Variants in SIGLEC1 observed in about 807,000 individuals in gnomAD.
SIGLEC1 encodes the protein sialoadhesin.
Under a neutral mutation model 148.0 loss-of-function variants are expected in SIGLEC1, and 132 were observed. The ratio of observed to expected loss-of-function variants is 0.89; its 90% CI spans 0.77 to 1.03. SIGLEC1 has a LOEUF of 1.03. SIGLEC1 is among the 50% of genes least tolerant of loss of function. The pLI is 0.00. For synonymous variants in SIGLEC1, 945 were observed against 969.0 expected (o/e 0.98, Z 0.46); for missense variants, 2,253 against 2,271.4 (o/e 0.99, Z 0.16).
At chr20:3,690,939 T>C (rs905057852) in intron 18 of SIGLEC1, among the ~76,000 whole-genome samples, 1 of 150,980 alleles carries the variant, frequency 6.6e-6, no homozygotes, top group Admixed American at 6.6e-5. Flanking sequence ...CAAGTGAGTC[T>C]CCTGCCTCAG....
At chr20:3,689,755 T>C (rs2088737026) in intron 19 of SIGLEC1, 53 bp from the exon 20 acceptor site, 6 of 1,485,096 alleles carry the variant, frequency 4.0e-6, no homozygotes, top group Non-Finnish European at 5.5e-6. Context: ...CCCCAGTGCT[T>C]CCTTCCAAGG....
chr20:3,688,106 A>AGGGAGGAGATCCAGAG lies in SIGLEC1; in HGVS notation c.*453_*454insCTCTGGATCTCCTCCC. The stretch of plus-strand genomic sequence containing the variant: ...CAGACTAGCGTGGGAGAGAAAAATA[A>AGGGAGGAGATCCAGAG]AATTCTATCATGTTGAAGTCACTGT... On this transcript the variant is annotated 3_prime_UTR_variant, in exon 22 of 22. Coordinates refer to ENST00000344754, the MANE Select transcript of SIGLEC1 (RefSeq NM_023068.4). 5 of 189,946 alleles carry AGGGAGGAGATCCAGAG rather than the reference A, an allele frequency of 2.6e-5. No homozygotes were observed. The South Asian group carries it at 4.6e-4, about 18-fold the overall frequency. 11.8% of individuals were successfully genotyped at this position (189,946 alleles called of 1,614,324 possible). A position where few individuals can be genotyped will look rare whatever the true frequency, so the allele number is the denominator to read the frequency against.
chr20:3,706,133 A>T, intron 3 of SIGLEC1, 93 bp from the exon 4 acceptor site: 1 of 1,410,648 alleles, frequency 7.1e-7, no homozygotes, highest in Non-Finnish European at 9.6e-7. Context: ...AGCCCTGGGG[A>T]GGGGGCTTTT....
intron 1 of SIGLEC1, among the ~76,000 whole-genome samples, 87 bp downstream of exon 1, chr20:3,712,383 C>T (rs1006987199): frequency 4.8e-5 from 7 of 144,820 alleles, no homozygotes; most frequent in Non-Finnish European, 9.2e-5. Context: ...CCGACCCCTG[C>T]CCCTATCCCG....
chr20:3,691,285 A>C, intron 18 of SIGLEC1, 55 bp downstream of exon 18: 1 of 1,597,472 alleles, frequency 6.3e-7, no homozygotes, highest in Non-Finnish European at 8.6e-7. Flanking sequence ...GGAAGAACTG[A>C]GGTGGGCGTG....
intron 5 of SIGLEC1, 68 bp downstream of exon 5, chr20:3,703,757 C>T (rs893306486): frequency 8.7e-5 from 138 of 1,589,860 alleles, no homozygotes; most frequent in Non-Finnish European, 1.1e-4. Context: ...GCCCTGTCTC[C>T]CCTCCGTCCC....
intron 13 of SIGLEC1, 47 bp downstream of exon 13, chr20:3,694,174 G>GACACCAC: frequency 8.6e-7 from 1 of 1,164,454 alleles, no homozygotes. Flanking sequence ...TCTTTTAAAG[G>GACACCAC]ACACACACAC....
At chr20:3,688,646 A>G in intron 21 of SIGLEC1, 27 bp from the exon 22 acceptor site, 1 of 1,562,502 alleles carries the variant, frequency 6.4e-7, no homozygotes, top group South Asian at 1.2e-5. Flanking sequence ...CCCTGGTCAC[A>G]GGAGGCCTCT....
intron 11 of SIGLEC1, among the ~76,000 whole-genome samples, chr20:3,696,129 TACACACAC>T (rs914096430): frequency 2.1e-5 from 3 of 142,516 alleles, no homozygotes; most frequent in East Asian, 2.0e-4. Context: ...ACTATATATA[TACACACAC>T]ACAAACACAC....
rs1299013658 is a variant in SIGLEC1 at position 3,692,001 on chromosome 20, A to C, written c.4232T>G (p.Leu1411Arg). The C allele has an allele frequency of 6.2e-7, 1 of 1,613,432 alleles. No homozygotes were observed. Among genetic ancestry groups the C allele is most frequent in the South Asian group, 1.1e-5 (1 of 91,052 alleles). The change falls in exon 17 of 22, where the codon CTG becomes CGG. Residue 1411 changes from leucine (L) to arginine (R), a missense_variant. Coordinates refer to ENST00000344754, the MANE Select transcript of SIGLEC1 (RefSeq NM_023068.4). ...HVQVARNALR[L>R]QVQDVPAGDD... ...ACCTGCAGGCACATCTTGCACCTGC[A>C]GCCGTAGGGCGTTTCGGGCCACCTG... is the stretch of plus-strand genomic sequence containing the variant.
chr20:3,710,995 A>G lies in SIGLEC1; in HGVS notation c.-110+1475T>C, dbSNP rs2087924981. Among the ~76,000 whole-genome samples the G allele has an allele frequency of 6.6e-6, 1 of 152,172 alleles. No homozygotes were observed. The highest frequency in any genetic ancestry group is 2.4e-5 in the African/African-American group (1 of 41,444). On this transcript the variant is annotated intron_variant, in intron 1 of 21. Coordinates refer to ENST00000344754, the MANE Select transcript of SIGLEC1 (RefSeq NM_023068.4). This position sits in a 1 kb window ranked among gnomAD's most constrained non-coding sequence, Gnocchi z 4.6. ...TCTCTGTCCCTGTTTGAAAGCCTGG[A>G]GTTGAGGGGACAGTGCCCCGCCCCC...
chr20:3,697,498 T>C (rs1391047581), intron 9 of SIGLEC1, among the ~76,000 whole-genome samples, 156 bp from the exon 10 acceptor site: 1 of 151,958 alleles, frequency 6.6e-6, no homozygotes, highest in African/African-American at 2.4e-5. Flanking sequence ...CTAGGAGAAG[T>C]GGGCCCTGGG....
Position 3,687,934 on chromosome 20 carries a change from T to C in SIGLEC1, c.*626A>G, listed in dbSNP as rs1270430713. 6.4e-6 allele frequency: 1 copy of C among 157,374 alleles called. No individual in the cohort carries two copies. The highest frequency in any genetic ancestry group is 2.4e-5 in the African/African-American group (1 of 41,474). 9.7% of individuals were successfully genotyped at this position (157,374 alleles called of 1,614,324 possible). ...TCCACCATGGGCATGGGTGTGCTTC[T>C]ACCTCCACTCTTCCTTCTTCTGGCT... On this transcript the variant is annotated 3_prime_UTR_variant, in exon 22 of 22. Coordinates refer to ENST00000344754, the MANE Select transcript of SIGLEC1 (RefSeq NM_023068.4).
Position 3,701,560 on chromosome 20 carries a change from C to T in SIGLEC1, c.1310G>A (p.Ser437Asn), listed in dbSNP as rs1434147467. The change falls in exon 7 of 22, where the codon AGT becomes AAT. Residue 437 changes from serine to asparagine, a missense_variant. By Grantham distance (46) the Ser-to-Asn change is conservative. Transcript: ENST00000344754. Reference protein sequence around the residue: ...LVGILHCSVVSEPLATLVLSH... With the variant: ...LVGILHCSVVNEPLATLVLSH... The stretch of plus-strand genomic sequence containing the variant: ...CAGCACCAGTGTGGCCAGGGGCTCA[C>T]TGACCACAGAGCAGTGAAGGATGCC... 2 of 1,612,542 alleles carry T rather than the reference C, an allele frequency of 1.2e-6. No individual in the cohort carries two copies. The highest frequency in any genetic ancestry group is 1.7e-6 in the Non-Finnish European group (2 of 1,179,112).
rs1388319827 is a variant in SIGLEC1, at chr20:3,689,600, C to T, written c.4997G>A (p.Arg1666Lys). ...GGCCCACTCCCAGCTCCAGACCCAC[C>T]TCCAGGTGTAGCAGGCCCCCAGGCC... ...LLGLGACYTW[R>K]RRRVCKQSMG... The change falls in exon 20 of 22, where the codon AGA becomes AAA. Residue 1666 changes from arginine to lysine, a missense_variant and splice_region_variant. Coordinates refer to ENST00000344754, the MANE Select transcript of SIGLEC1 (RefSeq NM_023068.4). The T allele has an allele frequency of 1.9e-6, 3 of 1,571,492 alleles. No homozygotes were observed. The highest frequency in any genetic ancestry group is 2.6e-6 in the Non-Finnish European group (3 of 1,157,900).
chr20:3,705,424 G>T (rs1189606497), intron 4 of SIGLEC1, among the ~76,000 whole-genome samples: 2 of 152,192 alleles, frequency 1.3e-5, no homozygotes, highest in African/African-American at 4.8e-5. Context: ...CCTCCAGCAC[G>T]GGGTAAATCC....
chr20:3,694,757 T>G lies in SIGLEC1; in HGVS notation c.2850A>C (p.Ile950=), dbSNP rs1469305984. Residue 950 remains isoleucine, a synonymous_variant, in exon 12 of 22, where the codon ATA becomes ATC. Transcript: ENST00000344754. The part of the protein sequence containing the change: ...STSATLRFAA[I]TLTQAGAYHC... ...GATAGGCCCCAGCTTGTGTCAAAGT[T>G]ATGGCTGCAAAGCGGAGCGTGGCCG... The G allele has an allele frequency of 1.2e-6, 2 of 1,613,752 alleles. No homozygotes were observed. The highest frequency in any genetic ancestry group is 1.7e-6 in the Non-Finnish European group (2 of 1,180,018).
chr20:3,712,087 C>T (rs1453538521), intron 1 of SIGLEC1, among the ~76,000 whole-genome samples: 4 of 151,276 alleles, frequency 2.6e-5, no homozygotes, highest in Admixed American at 2.0e-4. Flanking sequence ...ATGATAGAGT[C>T]GGAGTTGTGG....
Position 3,689,096 on chromosome 20 carries a change from C to A in SIGLEC1, c.5070+59G>T, listed in dbSNP as rs150416931. ...TCTAAATGACAGCAGTCTCCAGATG[C>A]CAGTTGGCACTGTGGGTTAGCTGGG... is the stretch of plus-strand genomic sequence containing the variant. On this transcript the variant is annotated intron_variant, in intron 21 of 21. Transcript: ENST00000344754. 3.7e-3 allele frequency: 5,260 copies of A among 1,417,864 alleles called. 175 individuals carry two copies. In the Admixed American group the frequency reaches 0.061, roughly 16 times the overall value. 87.8% of individuals were successfully genotyped at this position (1,417,864 alleles called of 1,614,324 possible).
Sources: gnomAD v4.1 joint callset for allele counts (sites outside exome capture counted in the v4.1 genomes callset) on GRCh38, gnomAD v4.1.1 for gene constraint, Gnocchi (gnomAD v3.1) non-coding constraint, MANE v1.5 for transcripts, NCBI Gene and HGNC (gene_info 2026-07-23, HGNC 2026-07-21) for gene names.